Variants in FNDC3A observed in about 807,000 individuals in gnomAD.
FNDC3A encodes fibronectin type III domain containing 3A, also known as fibronectin type-III domain-containing protein 3A.
Under a neutral mutation model 148.9 loss-of-function variants are expected in FNDC3A, and 32 were observed. That is an observed-to-expected ratio of 0.21 (90% CI 0.16 to 0.29). FNDC3A has a LOEUF of 0.29. Ranked by LOEUF, FNDC3A falls within the 10% of genes least tolerant of loss-of-function variation. FNDC3A has a pLI of 1.00. For missense variants in FNDC3A, 1,191 were observed against 1,452.8 expected (o/e 0.82, Z 2.93); for synonymous variants, 472 against 473.6 (o/e 1.00, Z 0.04).
chr13:49,171,747 C>A (rs1332164082), intron 10 of FNDC3A, among the ~76,000 whole-genome samples: 1 of 152,100 alleles, frequency 6.6e-6, no homozygotes, highest in Non-Finnish European at 1.5e-5. Context: ...ATAAAACTCT[C>A]TGGAAGAAAA....
intron 13 of FNDC3A, among the ~76,000 whole-genome samples, chr13:49,177,593 G>A (rs1885094696): frequency 6.6e-6 from 1 of 152,130 alleles, no homozygotes; most frequent in Non-Finnish European, 1.5e-5. Context: ...AATGTTCATA[G>A]CAGCATTATT....
In FNDC3A at chr13:49,188,532, A is replaced by G; in HGVS notation, c.1843A>G (p.Ile615Val). ...EGSNGNKWEMIYSGATREHLC... is the reference protein window; with the variant it reads ...EGSNGNKWEMVYSGATREHLC... ...CCTTACAGGAAACAAATGGGAAATG[A>G]TATACAGTGGTGCTACCAGGGAACA... Residue 615 changes from isoleucine (I) to valine (V), a missense_variant, in exon 17 of 26, where the codon ATA becomes GTA. By Grantham distance (29) the Ile-to-Val change is conservative. Transcript: ENST00000492622. 1 of 1,612,254 alleles carries G rather than the reference A, an allele frequency of 6.2e-7. No individual in the cohort carries two copies. Among genetic ancestry groups the G allele is most frequent in the Non-Finnish European group, 8.5e-7 (1 of 1,178,246 alleles).
chr13:49,180,860 A>C (rs1284396534), intron 14 of FNDC3A, among the ~76,000 whole-genome samples: 1 of 151,358 alleles, frequency 6.6e-6, no homozygotes, highest in Admixed American at 6.6e-5. Flanking sequence ...ATGCCACTGC[A>C]CTCCCGACTG....
At chr13:49,058,068 C>T (rs1019494548) in intron 2 of FNDC3A, among the ~76,000 whole-genome samples, 1 of 152,152 alleles carries the variant, frequency 6.6e-6, no homozygotes, top group Admixed American at 6.5e-5. Flanking sequence ...TGTAGCAGGA[C>T]AAGCCACAGA....
chr13:49,186,139 GC>G (rs1312416130), intron 15 of FNDC3A, 37 bp downstream of exon 15: 2 of 1,502,438 alleles, frequency 1.3e-6, no homozygotes, highest in South Asian at 2.4e-5. Flanking sequence ...TATTACTTTT[GC>G]GTTTGATTAA....
chr13:49,118,254 C>T (rs1413182939), intron 4 of FNDC3A, among the ~76,000 whole-genome samples: 4 of 152,072 alleles, frequency 2.6e-5, no homozygotes, highest in South Asian at 2.1e-4. Context: ...CAAAAGGGGT[C>T]GGGGAGCTCC....
At chr13:49,036,525 C>T (rs183959982) in intron 2 of FNDC3A, among the ~76,000 whole-genome samples, 1 of 152,256 alleles carries the variant, frequency 6.6e-6, no homozygotes. Flanking sequence ...ATTGAGCAAA[C>T]ATTTGTTCAA....
intron 2 of FNDC3A, among the ~76,000 whole-genome samples, chr13:49,017,067 AT>A (rs1181811548): frequency 2.0e-5 from 3 of 152,044 alleles, no homozygotes; most frequent in African/African-American, 7.2e-5. Flanking sequence ...GCTGAAAAAA[AT>A]GTATATTCTG....
At chr13:49,069,827 G>A (rs1043704008) in intron 2 of FNDC3A, among the ~76,000 whole-genome samples, 1 of 152,110 alleles carries the variant, frequency 6.6e-6, no homozygotes, top group South Asian at 2.1e-4. Context: ...TTAAAATGAA[G>A]CATATTTCCA....
At chr13:49,008,908 A>ATACCACCTCTTCTCCACAG (rs1952278246) in intron 2 of FNDC3A, among the ~76,000 whole-genome samples, 1 of 145,512 alleles carries the variant, frequency 6.9e-6, no homozygotes, top group Admixed American at 7.1e-5. Flanking sequence ...AAGTTCTCAC[A>ATACCACCTCTTCTCCACAG]TACCACCTCT....
intron 2 of FNDC3A, among the ~76,000 whole-genome samples, chr13:49,066,497 A>G (rs1877271862): frequency 6.6e-6 from 1 of 152,154 alleles, no homozygotes; most frequent in South Asian, 2.1e-4. Context: ...ACTGTGCTGT[A>G]TGTTTTACAT....
chr13:49,122,253 A>T (rs964215310), intron 4 of FNDC3A, among the ~76,000 whole-genome samples: 4 of 152,310 alleles, frequency 2.6e-5, no homozygotes, highest in East Asian at 1.9e-4. Context: ...CAAAAATGAC[A>T]TGATTATCTC....
intron 8 of FNDC3A, among the ~76,000 whole-genome samples, chr13:49,158,123 G>T (rs546180758): frequency 6.6e-6 from 1 of 152,174 alleles, no homozygotes; most frequent in East Asian, 1.9e-4. Flanking sequence ...CCCCAGCCTC[G>T]CTGTCGCCTT....
In FNDC3A at chr13:49,185,964, G is replaced by C. The variant is rs762768425; in HGVS notation, c.1618G>C (p.Val540Leu). The change falls in exon 15 of 26, where the codon GTT (valine) becomes CTT (leucine). Residue 540 changes from valine to leucine, a missense_variant and splice_region_variant. By Grantham distance (32) the Val-to-Leu change is conservative (BLOSUM62 1). Transcript: ENST00000492622. ...LRRSTKYKFKVIAYNSEGKSN... is the reference protein window; with the variant it reads ...LRRSTKYKFKLIAYNSEGKSN... ...TAATGTCTTTCTGTTCTCATCACAGGTTATTGCTTACAACTCAGAAGGTAA... is the reference window on the plus strand; with the variant it reads ...TAATGTCTTTCTGTTCTCATCACAGCTTATTGCTTACAACTCAGAAGGTAA... The C allele has an allele frequency of 1.2e-6, 2 of 1,609,018 alleles. No homozygotes were observed. The highest frequency in any genetic ancestry group is 2.2e-5 in the South Asian group (2 of 90,808).
intron 3 of FNDC3A, among the ~76,000 whole-genome samples, chr13:49,076,103 T>G (rs1306044535): frequency 6.6e-6 from 1 of 152,042 alleles, no homozygotes; most frequent in Non-Finnish European, 1.5e-5. Flanking sequence ...TGGCTCCAGT[T>G]GAGAACCATC....
At position 49,203,217 on chromosome 13, in the gene FNDC3A, C is replaced by G; in HGVS notation, c.3215C>G (p.Pro1072Arg). 6.2e-7 allele frequency: 1 copy of G among 1,603,234 alleles called. No homozygotes were observed. The highest frequency in any genetic ancestry group is 8.5e-7 in the Non-Finnish European group (1 of 1,170,540). ...GAAATTACATGGGAGTGTTTACAGC[C>G]AATGAAAGGTGATCCAGTTATTTAC... ...ICEITWECLQ[P>R]MKGDPVIYSL... Residue 1072 changes from proline (P) to arginine (R), a missense_variant, in exon 25 of 26, where the codon CCA becomes CGA. By Grantham distance (103) the Pro-to-Arg change is moderately radical. Transcript: ENST00000492622.
chr13:49,038,160 TTGTC>T (rs766233404), intron 2 of FNDC3A, among the ~76,000 whole-genome samples: 52 of 152,148 alleles, frequency 3.4e-4, no homozygotes, highest in Non-Finnish European at 2.4e-4. Context: ...GTTCTGCCGT[TTGTC>T]TGCTCATCTC....
intron 1 of FNDC3A, chr13:48,976,594 G>A (rs1951605179): frequency 1.3e-5 from 2 of 152,234 alleles, no homozygotes; most frequent in Admixed American, 1.3e-4. Flanking sequence ...GGGGGCGGGG[G>A]CGGGGGCGGG....
intron 2 of FNDC3A, among the ~76,000 whole-genome samples, chr13:49,051,908 T>C (rs1248086154): frequency 6.6e-6 from 1 of 152,160 alleles, no homozygotes; most frequent in Non-Finnish European, 1.5e-5. Context: ...ATTGGGTTAA[T>C]TCAAAAGCCT....
Sources: allele counts gnomAD v4.1 joint callset (sites outside exome capture counted in the v4.1 genomes callset), GRCh38; gene constraint gnomAD v4.1.1; transcripts MANE v1.5; gene names NCBI Gene and HGNC (gene_info 2026-07-23, HGNC 2026-07-21).